CDH4: variants seen among roughly 807,000 people sequenced by gnomAD.
CDH4 encodes the protein cadherin 4, also known as cadherin-4.
Under a neutral mutation model 86.0 loss-of-function variants are expected in CDH4, and 33 were observed. The ratio of observed to expected loss-of-function variants is 0.38; its 90% CI spans 0.29 to 0.51. CDH4 has a LOEUF of 0.51. CDH4 is among the 20% of genes least tolerant of loss of function. The pLI, the probability that CDH4 is intolerant of heterozygous loss-of-function variation, is 0.86. For missense variants in CDH4, 1,114 were observed against 1,307.4 expected, an observed-to-expected ratio of 0.85 and a Z score of 2.28; for synonymous variants, 555 against 549.4, an observed-to-expected ratio of 1.01 and a Z score of -0.14.
chr20:61,787,958 G>A (rs2096229), intron 4 of CDH4, among the ~76,000 whole-genome samples: 42 of 152,330 alleles, frequency 2.8e-4, no homozygotes, highest in South Asian at 1.0e-3. Context: ...ACTCAGGGGC[G>A]TGTGGCCATG....
chr20:61,750,406 C>T (rs756286798), intron 3 of CDH4, among the ~76,000 whole-genome samples: 1 of 152,104 alleles, frequency 6.6e-6, no homozygotes, highest in Non-Finnish European at 1.5e-5. Context: ...GAAATATACA[C>T]CTTACCAAAC....
intron 2 of CDH4, among the ~76,000 whole-genome samples, chr20:61,712,655 TA>T (rs1306839770): frequency 6.6e-6 from 1 of 152,144 alleles, no homozygotes; most frequent in Non-Finnish European, 1.5e-5. Flanking sequence ...CCTGGCCCTA[TA>T]GGGGCACCCA....
At chr20:61,597,159 T>G (rs1225762215) in intron 2 of CDH4, among the ~76,000 whole-genome samples, 4 of 152,180 alleles carry the variant, frequency 2.6e-5, no homozygotes, top group African/African-American at 4.8e-5. Flanking sequence ...CCCACATTCA[T>G]AACAGAAGGA....
chr20:61,565,083 G>GTGGTGGTGGTGGTGGTGGTGGTGC (rs1555809017), intron 2 of CDH4, among the ~76,000 whole-genome samples: 8 of 131,000 alleles, frequency 6.1e-5, no homozygotes, highest in Non-Finnish European at 1.3e-4. Context: ...GGTGGTGGTG[G>GTGGTGGTGGTGGTGGTGGTGGTGC]TGGTGCTCTT....
Position 61,258,329 on chromosome 20 carries a change from CAAA to C in CDH4, c.169+3406_169+3408del, listed in dbSNP as rs778048684. On this transcript the variant is annotated intron_variant, in intron 2 of 15. Coordinates refer to ENST00000614565, the MANE Select transcript of CDH4 (RefSeq NM_001794.5). ...TGGGCAAAAGAACGAGACTCCGTCT[CAAA>C]AAAAAAAAAAAAAGAAAAAAAAAAA... Among the ~76,000 whole-genome samples, 122 of 62,360 alleles carry C rather than the reference CAAA, an allele frequency of 2.0e-3. 2 individuals are homozygous for C. The highest frequency in any genetic ancestry group is 8.5e-3 in the African/African-American group (117 of 13,732). The allele number at this position is 62,360 out of a possible 152,430, so 40.9% of individuals were successfully genotyped here. A position where few individuals can be genotyped will look rare whatever the true frequency, so the allele number is the denominator to read the frequency against.
At chr20:61,923,207 G>T (rs2055002899) in intron 9 of CDH4, among the ~76,000 whole-genome samples, 1 of 152,216 alleles carries the variant, frequency 6.6e-6, no homozygotes, top group Non-Finnish European at 1.5e-5. Context: ...CCCAGCATGG[G>T]ACAGGGGCTG....
intron 2 of CDH4, among the ~76,000 whole-genome samples, chr20:61,267,871 CT>C (rs1161746825): frequency 6.6e-6 from 1 of 152,164 alleles, no homozygotes; most frequent in Non-Finnish European, 1.5e-5. Flanking sequence ...TTATTTCTGG[CT>C]GCAGGAGTCT....
At chr20:61,796,556 G>C (rs1176652112) in intron 4 of CDH4, among the ~76,000 whole-genome samples, 1 of 152,186 alleles carries the variant, frequency 6.6e-6, no homozygotes, top group East Asian at 1.9e-4. Context: ...AGTGGCCCCC[G>C]ACCATTGCTC....
intron 3 of CDH4, among the ~76,000 whole-genome samples, chr20:61,760,784 A>G (rs1823150085): frequency 6.6e-6 from 1 of 152,232 alleles, no homozygotes; most frequent in South Asian, 2.1e-4. Context: ...GATCAGAAGT[A>G]AGAAATTCGG....
chr20:61,453,836 A>G (rs2085392825), intron 2 of CDH4, among the ~76,000 whole-genome samples: 1 of 152,164 alleles, frequency 6.6e-6, no homozygotes, highest in Non-Finnish European at 1.5e-5. Flanking sequence ...AGGTAATTGA[A>G]TCATGGGGGC....
intron 2 of CDH4, among the ~76,000 whole-genome samples, chr20:61,539,688 C>T (rs2086024663): frequency 6.6e-6 from 1 of 152,228 alleles, no homozygotes; most frequent in African/African-American, 2.4e-5. Context: ...GCACAGTCTG[C>T]CCTGGGCAGT....
At chr20:61,403,896 G>A (rs1171231493) in intron 2 of CDH4, among the ~76,000 whole-genome samples, 4 of 152,166 alleles carry the variant, frequency 2.6e-5, no homozygotes, top group Admixed American at 2.6e-4. Context: ...AGGACGCTGT[G>A]TTTCAGGAAA....
intron 6 of CDH4, among the ~76,000 whole-genome samples, chr20:61,860,272 T>C (rs564171775): frequency 2.4e-4 from 36 of 152,342 alleles, no homozygotes; most frequent in African/African-American, 7.2e-4. Flanking sequence ...ACCACCTATG[T>C]TCCAGATTCC....
chr20:61,503,201 G>C (rs2085717257), intron 2 of CDH4, among the ~76,000 whole-genome samples: 1 of 152,174 alleles, frequency 6.6e-6, no homozygotes. Flanking sequence ...GGATATACGT[G>C]ATCAGGGCGA....
At position 61,709,238 on chromosome 20, in the gene CDH4, A is replaced by C. The variant is rs533889221; in HGVS notation, c.170-34325A>C. Among the ~76,000 whole-genome samples the C allele has an allele frequency of 2.4e-4, 36 of 152,324 alleles. No individual in the cohort carries two copies. Among genetic ancestry groups the C allele is most frequent in the African/African-American group, 8.4e-4 (35 of 41,586 alleles). On this transcript the variant is annotated intron_variant, in intron 2 of 15. Transcript: ENST00000614565. This position sits in a 1 kb window ranked among gnomAD's most constrained non-coding sequence, Gnocchi z 4.8. ...CACTGTCAGGGGTTTTGCTGTCCAC[A>C]AATTTAATCAAGACAGCTGTCAGCA...
intron 2 of CDH4, among the ~76,000 whole-genome samples, chr20:61,697,598 G>A (rs1020846879): frequency 2.6e-5 from 4 of 152,066 alleles, no homozygotes; most frequent in African/African-American, 4.8e-5. Context: ...ACTCCATCTC[G>A]GGGCGGGGGG....
rs1344406666 is a variant in CDH4 at position 61,844,695 on chromosome 20, C to G, written c.604C>G (p.Pro202Ala). 6 of 1,613,154 alleles carry G rather than the reference C, an allele frequency of 3.7e-6. No individual in the cohort carries two copies. The highest frequency in any genetic ancestry group is 5.1e-6 in the Non-Finnish European group (6 of 1,179,402). ...RIRSDKDNDI[P>A]IRYSITGVGA... ...CCGGTCCGACAAAGACAATGACATC[C>G]CCATCCGGTACAGCATCACGGGAGT... Residue 202 changes from proline to alanine, a missense_variant, in exon 5 of 16, where the codon CCC becomes GCC. Coordinates refer to ENST00000614565, the MANE Select transcript of CDH4 (RefSeq NM_001794.5).
intron 2 of CDH4, among the ~76,000 whole-genome samples, chr20:61,656,094 T>A (rs996625738): frequency 2.0e-5 from 3 of 152,130 alleles, no homozygotes; most frequent in African/African-American, 7.2e-5. Flanking sequence ...GTGGATGACA[T>A]GAAGGTGGTT....
rs1294646586 is a variant in CDH4 at position 61,937,539 on chromosome 20, C to T, written c.*596C>T. ...GTACACAGCTGGGGGTCTCTTGAGC[C>T]TCTTGGGAGTCAAGGCCAGCTGGGA... On this transcript the variant is annotated 3_prime_UTR_variant, in exon 16 of 16. Transcript: ENST00000614565. 1 of 152,196 alleles carries T rather than the reference C, an allele frequency of 6.6e-6. No individual in the cohort carries two copies. The highest frequency in any genetic ancestry group is 2.4e-5 in the African/African-American group (1 of 41,442). 9.4% of individuals were successfully genotyped at this position (152,196 alleles called of 1,614,324 possible).
Sources: gnomAD v4.1 joint callset for allele counts (sites outside exome capture counted in the v4.1 genomes callset) on GRCh38, gnomAD v4.1.1 for gene constraint, Gnocchi (gnomAD v3.1) non-coding constraint, MANE v1.5 for transcripts, NCBI Gene and HGNC (gene_info 2026-07-23, HGNC 2026-07-21) for gene names.